Variants in RGS6 observed in about 807,000 individuals in gnomAD.
The protein encoded by RGS6 is regulator of G-protein signaling 6.
In RGS6, 30 loss-of-function variants were observed where a neutral mutation model predicts 78.5. The observed-to-expected ratio is 0.38, with a 90% confidence interval of 0.29 to 0.52. The LOEUF (loss-of-function observed/expected upper bound fraction) is 0.52, where lower values mean the gene tolerates loss of function less well. RGS6 is among the 20% of genes least tolerant of loss of function. The pLI is 0.85. For missense variants in RGS6, 495 were observed against 609.7 expected (o/e 0.81, Z 1.98); for synonymous variants, 206 against 206.0 (o/e 1.00, Z 0.00).
chr14:72,157,662 G>T (rs2096791866), intron 2 of RGS6, among the ~76,000 whole-genome samples: 1 of 152,192 alleles, frequency 6.6e-6, no homozygotes, highest in South Asian at 2.1e-4. Context: ...GCTGCTGGAG[G>T]TTTTCGGACA....
intron 17 of RGS6, among the ~76,000 whole-genome samples, chr14:72,560,525 G>A (rs1314017595): frequency 6.6e-6 from 1 of 152,158 alleles, no homozygotes; most frequent in Non-Finnish European, 1.5e-5. Flanking sequence ...CTCAAGGAGA[G>A]TCACCGCTGG....
the RGS6 span, among the ~76,000 whole-genome samples, chr14:72,620,179 C>G: frequency 6.6e-6 from 1 of 152,120 alleles, no homozygotes; most frequent in Non-Finnish European, 1.5e-5. Context: ...CCTCTACCTC[C>G]CAGCCTATAT....
chr14:71,925,590 G>A, the RGS6 span, among the ~76,000 whole-genome samples: 1 of 152,038 alleles, frequency 6.6e-6, no homozygotes, highest in Non-Finnish European at 1.5e-5. Flanking sequence ...TATGGTGTAA[G>A]ATAAGGGTCC....
chr14:72,618,654 G>A, the RGS6 span, among the ~76,000 whole-genome samples: 12 of 139,666 alleles, frequency 8.6e-5, no homozygotes, highest in East Asian at 4.6e-4. Flanking sequence ...CTCCCTCCCC[G>A]CCCCCATCTA....
At chr14:72,619,881 T>C in the RGS6 span, 1 of 1,524,718 alleles carries the variant, frequency 6.6e-7, no homozygotes, top group South Asian at 1.2e-5. Context: ...GCTGTTCTTA[T>C]TGTTGACTTC....
At chr14:72,122,491 G>A (rs2096074373) in intron 2 of RGS6, among the ~76,000 whole-genome samples, 1 of 152,184 alleles carries the variant, frequency 6.6e-6, no homozygotes, top group Non-Finnish European at 1.5e-5. Context: ...AACCCAGGTT[G>A]TCTGAAGGCT....
Position 71,976,377 on chromosome 14 carries a change from C to T in RGS6, c.84+11502C>T, listed in dbSNP as rs182196835. ...CTGCACCCACTAACTCGTCATCTAGCATTAGGTATATCTCCCAATGCTATC... is the reference window on the plus strand; with the variant it reads ...CTGCACCCACTAACTCGTCATCTAGTATTAGGTATATCTCCCAATGCTATC... On this transcript the variant is annotated intron_variant, in intron 2 of 17. Coordinates refer to ENST00000553525, the MANE Select transcript of RGS6 (RefSeq NM_001204424.2). 5.3e-3 allele frequency among the ~76,000 whole-genome samples: 804 copies of T among 150,900 alleles called. 7 individuals carry two copies. The highest frequency in any genetic ancestry group is 0.019 in the African/African-American group (760 of 41,064).
At chr14:72,323,349 A>G (rs925472185) in intron 2 of RGS6, among the ~76,000 whole-genome samples, 6 of 152,092 alleles carry the variant, frequency 3.9e-5, no homozygotes, top group Non-Finnish European at 8.8e-5. Flanking sequence ...GAGAAACATG[A>G]AAAATGACTT....
At chr14:72,009,565 T>C (rs1386381138) in intron 2 of RGS6, among the ~76,000 whole-genome samples, 2 of 152,196 alleles carry the variant, frequency 1.3e-5, no homozygotes, top group African/African-American at 2.4e-5. Context: ...TTTGCTATAA[T>C]AAATCCTAGC....
intron 2 of RGS6, among the ~76,000 whole-genome samples, chr14:72,060,786 A>T (rs1416915891): frequency 6.6e-6 from 1 of 152,156 alleles, no homozygotes; most frequent in East Asian, 1.9e-4. Flanking sequence ...TTTGGTTGTT[A>T]TTGGTAGACC....
intron 2 of RGS6, among the ~76,000 whole-genome samples, chr14:72,144,926 G>C (rs903675178): frequency 2.0e-5 from 3 of 152,102 alleles, no homozygotes. Flanking sequence ...AAGCATTCAG[G>C]GATCAGAGTT....
At chr14:71,936,676 A>G (rs1178016350) in intron 1 of RGS6, among the ~76,000 whole-genome samples, 2 of 152,260 alleles carry the variant, frequency 1.3e-5, no homozygotes, top group Non-Finnish European at 2.9e-5. Context: ...ACTATTACAT[A>G]AAGTTAACAA....
chr14:72,095,727 TAG>T (rs1168151872), intron 2 of RGS6, among the ~76,000 whole-genome samples: 1 of 152,158 alleles, frequency 6.6e-6, no homozygotes, highest in African/African-American at 2.4e-5. Flanking sequence ...ACTGTACACA[TAG>T]AGTTTTGCTG....
the RGS6 span, chr14:72,612,513 C>A: frequency 1.9e-6 from 1 of 518,618 alleles, no homozygotes. Flanking sequence ...TTTTCCTATA[C>A]GCCACTGTTG....
chr14:72,557,436 C>T (rs780095314), intron 17 of RGS6, among the ~76,000 whole-genome samples: 2 of 152,158 alleles, frequency 1.3e-5, no homozygotes, highest in Non-Finnish European at 2.9e-5. Context: ...AGCAACCTTC[C>T]GGGAGTCACC....
Position 72,116,818 on chromosome 14 carries a change from A to G in RGS6, c.84+151943A>G, listed in dbSNP as rs145202567. Among the ~76,000 whole-genome samples, 239 of 151,730 alleles carry G rather than the reference A, an allele frequency of 1.6e-3. 1 individual carries two copies. The highest frequency in any genetic ancestry group is 5.7e-3 in the African/African-American group (235 of 41,344). ...GTCTCTACTAAAAATACAAAAATTA[A>G]CCAGGCTTCATGGTGGGCACCTGTC... is the stretch of plus-strand genomic sequence containing the variant. On this transcript the variant is annotated intron_variant, in intron 2 of 17. Coordinates refer to ENST00000553525, the MANE Select transcript of RGS6 (RefSeq NM_001204424.2).
chr14:72,108,890 A>G (rs1178236237), intron 2 of RGS6, among the ~76,000 whole-genome samples: 1 of 152,052 alleles, frequency 6.6e-6, no homozygotes, highest in East Asian at 1.9e-4. Flanking sequence ...TGCTTTCATT[A>G]TCTGTGGAAA....
At chr14:72,613,454 A>T in the RGS6 span, among the ~76,000 whole-genome samples, 1 of 152,176 alleles carries the variant, frequency 6.6e-6, no homozygotes, top group Non-Finnish European at 1.5e-5. Context: ...CCATCAGCAA[A>T]ATACTCCCTT....
intron 3 of RGS6, among the ~76,000 whole-genome samples, chr14:72,452,576 C>T (rs763675484): frequency 6.6e-6 from 1 of 152,236 alleles, no homozygotes; most frequent in African/African-American, 2.4e-5. Flanking sequence ...AGAGGGCAAT[C>T]CTCATGAAGC....
Sources: allele counts gnomAD v4.1 joint callset (sites outside exome capture counted in the v4.1 genomes callset), GRCh38; gene constraint gnomAD v4.1.1; transcripts MANE v1.5; gene names NCBI Gene and HGNC (gene_info 2026-07-23, HGNC 2026-07-21).